The following CSMD3 variants were observed in gnomAD, a reference collection of about 807,000 sequenced individuals.
CSMD3 encodes CUB and Sushi multiple domains 3.
A neutral mutation model predicts 435.2 loss-of-function variants in CSMD3; 177 were observed. The observed-to-expected ratio is 0.41, with a 90% CI of 0.36 to 0.46. The LOEUF (loss-of-function observed/expected upper bound fraction) is 0.46. Among genes scored for constraint, CSMD3 ranks in the 20% least tolerant of loss-of-function variants. The probability of loss-of-function intolerance (pLI) is 0.34; values close to 1 mark genes in which losing one functional copy is unlikely to be tolerated. For synonymous variants in CSMD3, 1,656 were observed against 1,520.5 expected (o/e 1.09, Z -2.07); for missense variants, 4,265 against 4,504.6 (o/e 0.95, Z 1.52).
intron 16 of CSMD3, among the ~76,000 whole-genome samples, chr8:112,674,263 T>C (rs767000000): frequency 8.5e-5 from 13 of 152,276 alleles, no homozygotes; most frequent in Non-Finnish European, 1.9e-4. Flanking sequence ...CTTTTACCTT[T>C]AGATCCTGTT....
chr8:113,329,872 A>G (rs534284622), intron 1 of CSMD3, among the ~76,000 whole-genome samples: 3 of 152,206 alleles, frequency 2.0e-5, no homozygotes, highest in African/African-American at 4.8e-5. Flanking sequence ...AGGAGAAATA[A>G]TGACATTTGA....
rs575593869 is a variant in CSMD3, at chr8:113,002,967, C to T, written c.1030+16100G>A. 1.8e-4 allele frequency among the ~76,000 whole-genome samples: 27 copies of T among 152,132 alleles called. 1 individual carries two copies. The South Asian group carries it at 4.4e-3, about 25-fold the overall frequency. Reference sequence around the variant, plus strand: ...ATAATTAACTAGTGTTGGCCAGGCACGGTGGTTCACGTCTGTAATCCCAGC... The same window carrying T: ...ATAATTAACTAGTGTTGGCCAGGCATGGTGGTTCACGTCTGTAATCCCAGC... On this transcript the variant is annotated intron_variant, in intron 6 of 70. Transcript: ENST00000297405.
intron 32 of CSMD3, among the ~76,000 whole-genome samples, chr8:112,411,083 C>G (rs1811285352): frequency 6.7e-6 from 1 of 149,880 alleles, no homozygotes; most frequent in African/African-American, 2.4e-5. Context: ...ACACAGGTAT[C>G]CAAGAGCTTT....
intron 7 of CSMD3, among the ~76,000 whole-genome samples, chr8:112,968,188 A>G (rs868196886): frequency 1.3e-5 from 2 of 151,898 alleles, no homozygotes; most frequent in Middle Eastern, 3.2e-3. Context: ...GGCCACTTCT[A>G]TGTTTGTTTT....
chr8:112,747,962 CAAAAA>C lies in CSMD3; in HGVS notation c.1972+52195_1972+52199del, dbSNP rs71309788. Among the ~76,000 whole-genome samples, 550 of 96,714 alleles carry C rather than the reference CAAAAA, an allele frequency of 5.7e-3. 4 individuals carry two copies. Among genetic ancestry groups the C allele is most frequent in the East Asian group, 0.018 (56 of 3,114 alleles). The allele number at this position is 96,714 out of a possible 152,430, so 63.4% of individuals were successfully genotyped here. On this transcript the variant is annotated intron_variant, in intron 13 of 70. Transcript: ENST00000297405. ...TGGGCGACAGAACAAGACTCCGTCT[CAAAAA>C]AAAAAAAAAAAAAAAAAAACAGGCA...
chr8:112,794,539 C>T (rs993576997), intron 13 of CSMD3, among the ~76,000 whole-genome samples: 2 of 151,952 alleles, frequency 1.3e-5, no homozygotes, highest in African/African-American at 4.8e-5. Context: ...AGATGATCCA[C>T]CCACCTCGGC....
intron 12 of CSMD3, among the ~76,000 whole-genome samples, chr8:112,817,413 G>A (rs231279): frequency 0.83 from 126,883 of 152,042 alleles, 53,219 homozygotes; most frequent in African/African-American, 0.91. Flanking sequence ...GAATTTATAC[G>A]TAAGTGTAAA....
At chr8:113,107,583 A>G (rs2090517824) in intron 4 of CSMD3, among the ~76,000 whole-genome samples, 1 of 152,150 alleles carries the variant, frequency 6.6e-6, no homozygotes, top group South Asian at 2.1e-4. Flanking sequence ...GTATTTTCCA[A>G]CCATGTTTCA....
At chr8:112,927,227 G>GT (rs2082939762) in intron 9 of CSMD3, among the ~76,000 whole-genome samples, 1 of 151,896 alleles carries the variant, frequency 6.6e-6, no homozygotes, top group African/African-American at 2.4e-5. Context: ...GTACAAGTAC[G>GT]TATTGCAGAA....
At chr8:113,374,752 T>A (rs1026395930) in intron 1 of CSMD3, among the ~76,000 whole-genome samples, 2 of 149,868 alleles carry the variant, frequency 1.3e-5, no homozygotes, top group African/African-American at 4.9e-5. Context: ...TAACTCTCCT[T>A]TTGATCTTAC....
chr8:112,990,391 C>T lies in CSMD3; in HGVS notation c.1031-14243G>A, dbSNP rs73347972. Among the ~76,000 whole-genome samples the T allele has an allele frequency of 8.3e-3, 1,255 of 151,914 alleles. 30 individuals carry two copies. Among genetic ancestry groups the T allele is most frequent in the African/African-American group, 0.029 (1,187 of 41,486 alleles). On this transcript the variant is annotated intron_variant, in intron 6 of 70. Coordinates refer to ENST00000297405, the MANE Select transcript of CSMD3 (RefSeq NM_198123.2). The stretch of plus-strand genomic sequence containing the variant: ...AAATAATGAAGCGTTCTGTTTTAAG[C>T]CTCTAATACATGACTTGTCTTTCAC...
At chr8:112,226,902 C>T (rs7845263) in intron 70 of CSMD3, among the ~76,000 whole-genome samples, 64,726 of 151,800 alleles carry the variant, frequency 0.43, 16,329 homozygotes, top group African/African-American at 0.71. Context: ...AAGACAAAGC[C>T]CCCCAAACCT....
At chr8:112,788,354 C>CCTCT (rs1457225058) in intron 13 of CSMD3, among the ~76,000 whole-genome samples, 1 of 151,970 alleles carries the variant, frequency 6.6e-6, no homozygotes, top group Non-Finnish European at 1.5e-5. Flanking sequence ...TCCTAAAACA[C>CCTCT]CTCTCTCTCC....
At chr8:113,301,136 G>A (rs1329075924) in intron 2 of CSMD3, among the ~76,000 whole-genome samples, 1 of 151,964 alleles carries the variant, frequency 6.6e-6, no homozygotes, top group Admixed American at 6.6e-5. Flanking sequence ...ACAACATGGA[G>A]GTGCTTGTTA....
chr8:112,637,097 T>C, intron 21 of CSMD3, 92 bp from the exon 22 acceptor site: 1 of 982,746 alleles, frequency 1.0e-6, no homozygotes, highest in South Asian at 1.3e-5. Flanking sequence ...CTATTGTTTT[T>C]AGAACCTAGT....
intron 33 of CSMD3, 25 bp downstream of exon 33, chr8:112,408,894 G>A (rs2130074404): frequency 6.2e-7 from 1 of 1,613,152 alleles, no homozygotes; most frequent in Non-Finnish European, 8.5e-7. Context: ...AGTAACTGAT[G>A]CATGGCAGTT....
intron 19 of CSMD3, among the ~76,000 whole-genome samples, chr8:112,646,404 G>T (rs1044591599): frequency 7.9e-5 from 12 of 151,548 alleles, no homozygotes; most frequent in African/African-American, 2.9e-4. Context: ...GTATATCTGC[G>T]TGTTTGTGTG....
In CSMD3 at chr8:112,306,100, C is replaced by G. The variant is rs2130787415; in HGVS notation, c.7978G>C (p.Asp2660His). 1 of 1,613,202 alleles carries G rather than the reference C, an allele frequency of 6.2e-7. No individual in the cohort carries two copies. The highest frequency in any genetic ancestry group is 1.3e-5 in the African/African-American group (1 of 74,994). Reference sequence around the variant, plus strand: ...TCTTTGGATGACAATCGATATCCATCATTACAAAAATAGGTAACTCGCGTT... The same window carrying G: ...TCTTTGGATGACAATCGATATCCATGATTACAAAAATAGGTAACTCGCGTT... ...VGTRVTYFCN[D>H]GYRLSSKELT... The change falls in exon 51 of 71, where the codon GAT becomes CAT. Residue 2660 changes from aspartate to histidine, a missense_variant. Physicochemically the swap from Asp to His is moderately conservative, Grantham distance 81. Coordinates refer to ENST00000297405, the MANE Select transcript of CSMD3 (RefSeq NM_198123.2).
intron 9 of CSMD3, among the ~76,000 whole-genome samples, chr8:112,927,354 TTTC>T (rs1469578811): frequency 6.6e-6 from 1 of 152,144 alleles, no homozygotes; most frequent in Non-Finnish European, 1.5e-5. Context: ...GAATTATTTC[TTTC>T]TTATTTCCTT....
Sources: gnomAD v4.1 joint callset for allele counts (sites outside exome capture counted in the v4.1 genomes callset) on GRCh38, gnomAD v4.1.1 for gene constraint, MANE v1.5 for transcripts, NCBI Gene and HGNC (gene_info 2026-07-23, HGNC 2026-07-21) for gene names.